The following FRMD4A variants were observed in gnomAD, a reference collection of about 807,000 sequenced individuals.
FRMD4A encodes the protein FERM domain-containing protein 4A.
FRMD4A carries 29 observed loss-of-function variants against 129.1 expected under a neutral mutation model. The ratio of observed to expected loss-of-function variants is 0.22; its 90% confidence interval spans 0.17 to 0.31. The LOEUF (loss-of-function observed/expected upper bound fraction) is 0.31. FRMD4A is among the 10% of genes least tolerant of loss of function. The pLI is 1.00. For synonymous variants in FRMD4A, 634 were observed against 571.6 expected (o/e 1.11, Z -1.56); for missense variants, 1,272 against 1,375.8 (o/e 0.92, Z 1.19).
intron 2 of FRMD4A, among the ~76,000 whole-genome samples, chr10:14,243,403 G>A (rs928921927): frequency 2.0e-5 from 3 of 152,124 alleles, no homozygotes; most frequent in Non-Finnish European, 2.9e-5. Flanking sequence ...TGTAAGATGT[G>A]CCTGCTTCCC....
intron 2 of FRMD4A, among the ~76,000 whole-genome samples, chr10:14,309,223 G>A (rs908499205): frequency 1.2e-4 from 18 of 152,168 alleles, no homozygotes; most frequent in African/African-American, 4.3e-4. Flanking sequence ...ACCAAGGTAA[G>A]AGGATCACTT....
intron 2 of FRMD4A, among the ~76,000 whole-genome samples, chr10:13,860,260 GA>G (rs1253766326): frequency 1.3e-5 from 2 of 152,200 alleles, no homozygotes; most frequent in Admixed American, 1.3e-4. Context: ...CAAGCTCATA[GA>G]AAACAGTTAA....
chr10:14,205,677 G>A (rs1374252577), intron 2 of FRMD4A, among the ~76,000 whole-genome samples: 2 of 151,916 alleles, frequency 1.3e-5, no homozygotes, highest in African/African-American at 4.8e-5. Context: ...TGTGGTGGCA[G>A]GCACCTGTAG....
At chr10:14,177,840 C>G (rs1841785494) in intron 2 of FRMD4A, among the ~76,000 whole-genome samples, 1 of 152,174 alleles carries the variant, frequency 6.6e-6, no homozygotes, top group Non-Finnish European at 1.5e-5. Flanking sequence ...CATTTAGCCC[C>G]TGGAGCCTGG....
intron 2 of FRMD4A, among the ~76,000 whole-genome samples, chr10:14,193,910 T>C (rs923590907): frequency 1.3e-5 from 2 of 152,156 alleles, no homozygotes; most frequent in Non-Finnish European, 2.9e-5. Context: ...CCATGTCCCC[T>C]GCTTCTCTGA....
intron 2 of FRMD4A, among the ~76,000 whole-genome samples, chr10:13,925,505 T>G (rs926858629): frequency 3.3e-5 from 5 of 149,398 alleles, no homozygotes; most frequent in African/African-American, 4.9e-5. Context: ...GTTCCTTCTT[T>G]AAAATCCATT....
At chr10:14,144,004 T>G (rs551027016) in intron 2 of FRMD4A, among the ~76,000 whole-genome samples, 189 of 152,284 alleles carry the variant, frequency 1.2e-3, no homozygotes, top group Non-Finnish European at 2.3e-3. Flanking sequence ...ACTTTTCCAC[T>G]GAGCTAGTAC....
intron 2 of FRMD4A, among the ~76,000 whole-genome samples, chr10:13,939,501 G>T (rs2095274481): frequency 1.3e-5 from 2 of 152,092 alleles, no homozygotes; most frequent in Non-Finnish European, 2.9e-5. Flanking sequence ...CTAGTTCCTG[G>T]CTCTTTAGAA....
intron 12 of FRMD4A, among the ~76,000 whole-genome samples, chr10:13,708,574 T>C (rs2087707854): frequency 6.6e-6 from 1 of 152,258 alleles, no homozygotes; most frequent in Non-Finnish European, 1.5e-5. Context: ...ATTGTATTTT[T>C]CTTTCTTGTT....
intron 2 of FRMD4A, among the ~76,000 whole-genome samples, chr10:14,287,141 CCG>C (rs1491307002): frequency 5.1e-4 from 55 of 107,764 alleles, no homozygotes; most frequent in African/African-American, 2.3e-3. Context: ...GACAGGCCCC[CCG>C]CTCCGTGATG....
chr10:13,653,480 G>C (rs953983703), intron 23 of FRMD4A: 1 of 152,404 alleles, frequency 6.6e-6, no homozygotes, highest in Admixed American at 6.5e-5. Flanking sequence ...GGGCAACAGA[G>C]TGAGACTCCG....
chr10:13,802,465 A>G (rs553013368), intron 4 of FRMD4A, among the ~76,000 whole-genome samples: 1 of 152,106 alleles, frequency 6.6e-6, no homozygotes, highest in Non-Finnish European at 1.5e-5. Context: ...ATGTTTATCT[A>G]TTTAGAGACA....
rs1207471495 is a variant in FRMD4A, at chr10:13,714,059, T to TATATATATATATAA, written c.760-6947_760-6946insTTATATATATATAT. On this transcript the variant is annotated intron_variant, in intron 12 of 24. Transcript: ENST00000357447. ...ATATATATATATATATATATATATA[T>TATATATATATATAA]AAAATATACTTTTTTTTTGAGACAC... Among the ~76,000 whole-genome samples, 177 of 101,292 alleles carry TATATATATATATAA rather than the reference T, an allele frequency of 1.7e-3. 14 individuals carry two copies. The highest frequency in any genetic ancestry group is 4.5e-3 in the African/African-American group (128 of 28,406). 66.5% of individuals were successfully genotyped at this position (101,292 alleles called of 152,430 possible).
intron 8 of FRMD4A, among the ~76,000 whole-genome samples, chr10:13,757,244 G>A (rs939260556): frequency 6.6e-6 from 1 of 152,210 alleles, no homozygotes; most frequent in African/African-American, 2.4e-5. Flanking sequence ...CAACTCTACT[G>A]ACTTCCTGAT....
intron 2 of FRMD4A, among the ~76,000 whole-genome samples, chr10:14,284,031 T>C (rs1845604336): frequency 1.3e-5 from 2 of 152,194 alleles, no homozygotes. Context: ...AGTTGGTGTC[T>C]CCACCCAAGC....
chr10:14,153,091 A>G (rs994901385), intron 2 of FRMD4A, among the ~76,000 whole-genome samples: 1 of 152,210 alleles, frequency 6.6e-6, no homozygotes, highest in Non-Finnish European at 1.5e-5. Flanking sequence ...GGTCTTTCCA[A>G]TGAGCTGTCA....
chr10:14,169,179 C>G (rs1589118623), intron 2 of FRMD4A, among the ~76,000 whole-genome samples: 1 of 151,974 alleles, frequency 6.6e-6, no homozygotes, highest in South Asian at 2.1e-4. Flanking sequence ...GGAAGAATCC[C>G]TTTTCAGGTA....
At chr10:14,111,413 T>G (rs1187105502) in intron 2 of FRMD4A, among the ~76,000 whole-genome samples, 1 of 152,174 alleles carries the variant, frequency 6.6e-6, no homozygotes, top group African/African-American at 2.4e-5. Context: ...AAGCTGTGAT[T>G]TGGCTCAAGG....
chr10:13,943,106 T>C (rs911641649), intron 2 of FRMD4A, among the ~76,000 whole-genome samples: 4 of 152,116 alleles, frequency 2.6e-5, no homozygotes, highest in African/African-American at 9.7e-5. Flanking sequence ...ATATCACACA[T>C]TACAATTACA....
Sources: gnomAD v4.1 joint callset for allele counts (sites outside exome capture counted in the v4.1 genomes callset) on GRCh38, gnomAD v4.1.1 for gene constraint, MANE v1.5 for transcripts, NCBI Gene and HGNC (gene_info 2026-07-23, HGNC 2026-07-21) for gene names.